The following TRIM37 variants were observed in gnomAD, a reference collection of about 807,000 sequenced individuals.
TRIM37 encodes tripartite motif containing 37, also known as E3 ubiquitin-protein ligase TRIM37.
In TRIM37, 80 loss-of-function variants were observed where a neutral mutation model predicts 129.8. The observed-to-expected ratio is 0.62, with a 90% CI of 0.51 to 0.74. The LOEUF is 0.74. Ranked by LOEUF, TRIM37 falls within the 30% of genes least tolerant of loss-of-function variation. TRIM37 has a pLI of 0.00. For missense variants in TRIM37, 1,054 were observed against 1,176.5 expected (o/e 0.90, Z 1.52); for synonymous variants, 389 against 387.1 (o/e 1.00, Z -0.06).
chr17:59,008,749 A>T (rs2034870491), intron 22 of TRIM37, among the ~76,000 whole-genome samples: 1 of 152,192 alleles, frequency 6.6e-6, no homozygotes, highest in Non-Finnish European at 1.5e-5. Flanking sequence ...AATTAAAAAT[A>T]AAGAAGTCCA....
chr17:59,049,228 CCT>C lies in TRIM37; in HGVS notation c.1478_1479del (p.Glu493GlyfsTer5), dbSNP rs1269569631. 7 of 1,613,954 alleles carry C rather than the reference CCT, an allele frequency of 4.3e-6. No individual in the cohort carries two copies. In the Admixed American group the frequency reaches 6.7e-5, roughly 15 times the overall value. On this transcript the variant is annotated frameshift_variant, in exon 15 of 24. Coordinates refer to ENST00000262294, the MANE Select transcript of TRIM37 (RefSeq NM_015294.6). LOFTEE classifies it high-confidence loss of function. The stretch of plus-strand genomic sequence containing the variant: ...TCCTCATCTTCTTCATCCTCTTTGG[CCT>C]CTCTTACAGAAGCTGTAGTAGGACC... ...EGGPTTASVR[E>X]AKEDEEDEEK...
At chr17:58,990,958 A>G (rs2032331135) in intron 24 of TRIM37, among the ~76,000 whole-genome samples, 1 of 151,126 alleles carries the variant, frequency 6.6e-6, no homozygotes, top group Non-Finnish European at 1.5e-5. Context: ...GCAGATCACC[A>G]GGTCAGGAGT....
rs762548256 is a variant in TRIM37 at position 59,012,361 on chromosome 17, G to A, written c.2662C>T (p.Leu888=). The change falls in exon 22 of 24, where the codon CTA becomes TTA. Residue 888 remains leucine (L), a synonymous_variant. Coordinates refer to ENST00000262294, the MANE Select transcript of TRIM37 (RefSeq NM_015294.6). Reference sequence around the variant, plus strand: ...GGGGCAGCTGAAGCTCCTTCAGGTAGTACAGGCTGTAACTCTCCAGTTTCA... The same window carrying A: ...GGGGCAGCTGAAGCTCCTTCAGGTAATACAGGCTGTAACTCTCCAGTTTCA... ...NSETGELQPV[L]PEGASAAPEE... 3.1e-6 allele frequency: 5 copies of A among 1,612,822 alleles called. No individual in the cohort carries two copies. Among genetic ancestry groups the A allele is most frequent in the East Asian group, 2.2e-5 (1 of 44,888 alleles).
chr17:59,045,773 G>C (rs2039729027), intron 16 of TRIM37, among the ~76,000 whole-genome samples: 1 of 151,954 alleles, frequency 6.6e-6, no homozygotes, highest in African/African-American at 2.4e-5. Flanking sequence ...CTAGCACTTT[G>C]GGAGGCTGAA....
At chr17:59,101,133 T>A (rs951173274) in intron 2 of TRIM37, among the ~76,000 whole-genome samples, 1 of 151,938 alleles carries the variant, frequency 6.6e-6, no homozygotes, top group African/African-American at 2.4e-5. Flanking sequence ...TGAAAACAAG[T>A]AGGCAAGCAA....
intron 13 of TRIM37, among the ~76,000 whole-genome samples, chr17:59,053,359 A>C (rs1184689644): frequency 6.6e-6 from 1 of 152,248 alleles, no homozygotes; most frequent in Non-Finnish European, 1.5e-5. Flanking sequence ...ATGTCTCATT[A>C]ATAGGATAAT....
chr17:58,978,393 T>C (rs1295911497), downstream of TRIM37, among the ~76,000 whole-genome samples: 1 of 152,132 alleles, frequency 6.6e-6, no homozygotes. Flanking sequence ...CTGTGTGTGG[T>C]TTTGTTTTTA....
intron 3 of TRIM37, among the ~76,000 whole-genome samples, chr17:59,089,466 C>T (rs899026906): frequency 3.3e-5 from 5 of 151,944 alleles, no homozygotes; most frequent in Non-Finnish European, 7.4e-5. Context: ...CATGGTGAAA[C>T]GCTGTCTCTA....
intron 2 of TRIM37, among the ~76,000 whole-genome samples, chr17:59,101,485 A>G (rs1016656199): frequency 6.6e-6 from 1 of 151,808 alleles, no homozygotes; most frequent in Non-Finnish European, 1.5e-5. Context: ...TAAGACAAAT[A>G]TAAGTGAAAC....
chr17:59,084,988 T>C (rs888834638), intron 4 of TRIM37, among the ~76,000 whole-genome samples: 6 of 152,162 alleles, frequency 3.9e-5, no homozygotes, highest in East Asian at 3.8e-4. Flanking sequence ...ATGAAAGACC[T>C]AGCAGACTAA....
intron 2 of TRIM37, among the ~76,000 whole-genome samples, chr17:59,092,896 T>C (rs1383597739): frequency 6.6e-6 from 1 of 152,180 alleles, no homozygotes; most frequent in Non-Finnish European, 1.5e-5. Context: ...AGCACGCCTG[T>C]AATCCCAGCA....
At chr17:59,101,677 A>AT (rs1219166086) in intron 2 of TRIM37, among the ~76,000 whole-genome samples, 229 of 101,124 alleles carry the variant, frequency 2.3e-3, no homozygotes, top group Admixed American at 8.6e-3. Context: ...AAAAAAAAAA[A>AT]ATATATATAT....
rs986788510 is a variant in TRIM37 at position 59,101,536 on chromosome 17, A to G, written c.123+2757T>C. Among the ~76,000 whole-genome samples, 4 of 150,886 alleles carry G rather than the reference A, an allele frequency of 2.7e-5. No homozygotes were observed. In the South Asian group the frequency reaches 8.4e-4, roughly 32 times the overall value. ...AATTGCACTTAAAAATCATTGGTATAGGCCAGAGGCAGCGGCTCATGCCTG... is the reference window on the plus strand; with the variant it reads ...AATTGCACTTAAAAATCATTGGTATGGGCCAGAGGCAGCGGCTCATGCCTG... On this transcript the variant is annotated intron_variant, in intron 2 of 23. Transcript: ENST00000262294.
At chr17:59,047,649 T>G in intron 16 of TRIM37, 34 bp downstream of exon 16, 1 of 1,599,804 alleles carries the variant, frequency 6.3e-7, no homozygotes, top group Non-Finnish European at 8.5e-7. Flanking sequence ...AATTACCACT[T>G]AAATGCTTTA....
At chr17:59,032,537 A>AG (rs1423822665) in intron 17 of TRIM37, among the ~76,000 whole-genome samples, 4 of 150,256 alleles carry the variant, frequency 2.7e-5, no homozygotes, top group Non-Finnish European at 5.9e-5. Context: ...GTCTCAAAAA[A>AG]AAAAAAAAAA....
At chr17:59,013,776 C>A (rs1397902465) in intron 21 of TRIM37, among the ~76,000 whole-genome samples, 1 of 152,140 alleles carries the variant, frequency 6.6e-6, no homozygotes, top group African/African-American at 2.4e-5. Flanking sequence ...CATCTTCCCA[C>A]CTCAGCCTCC....
chr17:59,042,742 G>A (rs111606718), intron 16 of TRIM37, among the ~76,000 whole-genome samples: 3,600 of 151,606 alleles, frequency 0.024, 136 homozygotes, highest in African/African-American at 0.082. Flanking sequence ...CAGCCTGGAC[G>A]ACAGAGCGAG....
intron 2 of TRIM37, among the ~76,000 whole-genome samples, chr17:59,101,514 T>C (rs1284023110): frequency 6.6e-6 from 1 of 151,444 alleles, no homozygotes; most frequent in African/African-American, 2.4e-5. Context: ...AATAACTAAT[T>C]GCACTTAAAA....
intron 5 of TRIM37, among the ~76,000 whole-genome samples, chr17:59,081,906 C>CA (rs1162173136): frequency 9.7e-5 from 9 of 92,936 alleles, no homozygotes. Context: ...CTGTCCCCCC[C>CA]AAAAAATAAT....
Sources: gnomAD v4.1 joint callset for allele counts (sites outside exome capture counted in the v4.1 genomes callset) on GRCh38, gnomAD v4.1.1 for gene constraint, MANE v1.5 for transcripts, NCBI Gene and HGNC (gene_info 2026-07-23, HGNC 2026-07-21) for gene names.